NCBP2L: variants seen among roughly 807,000 people sequenced by gnomAD.
NCBP2L encodes nuclear cap-binding protein subunit 2-like.
For synonymous variants in NCBP2L, 39 were observed against 19.2 expected (o/e 2.04, Z -2.70); for missense variants, 95 against 53.1 (o/e 1.79, Z -2.45).
chrX:107,780,510 C>T (rs763583034), intron 1 of NCBP2L, among the ~76,000 whole-genome samples: 5 of 110,949 alleles, frequency 4.5e-5, no homozygotes, highest in Non-Finnish European at 9.4e-5. Flanking sequence ...TAAGGTTACA[C>T]AGCTGGCAAG....
At chrX:107,780,448 G>T (rs1197556897) in intron 1 of NCBP2L, among the ~76,000 whole-genome samples, 2 of 110,322 alleles carry the variant, frequency 1.8e-5, no homozygotes, top group South Asian at 3.9e-4. Flanking sequence ...ATCATCACAA[G>T]CCTGTGAGGC....
chrX:107,779,027 T>A (rs1208736382), intron 1 of NCBP2L, among the ~76,000 whole-genome samples: 1 of 111,449 alleles, frequency 9.0e-6, no homozygotes, highest in East Asian at 2.8e-4. Context: ...CTAGAGAGAC[T>A]AGTGAACAGA....
At chrX:107,788,328 G>A (rs1930410283) in intron 1 of NCBP2L, among the ~76,000 whole-genome samples, 1 of 111,927 alleles carries the variant, frequency 8.9e-6, no homozygotes, top group Non-Finnish European at 1.9e-5. Context: ...TCTATCACTG[G>A]ATGAATTAAA....
In NCBP2L at chrX:107,794,199, G is replaced by T. The variant is rs2295374; in HGVS notation, c.-22G>T. On this transcript the variant is annotated 5_prime_UTR_variant, in exon 2 of 2. Coordinates refer to ENST00000509000, the MANE Select transcript of NCBP2L (RefSeq NM_001348372.2). ...CCAAGCTGGACCGAAAACGGCCATC[G>T]GCATGCTGCCCAACCAGCACCATGT... 72,174 of 500,138 alleles carry T rather than the reference G, an allele frequency of 0.14. 4,907 individuals are homozygous for T. Among genetic ancestry groups the T allele is most frequent in the African/African-American group, 0.4 (16,759 of 41,783 alleles). The allele number at this position is 500,138 out of a possible 1,213,427, so 41.2% of individuals were successfully genotyped here.
intron 1 of NCBP2L, among the ~76,000 whole-genome samples, chrX:107,779,505 T>G (rs1188249532): frequency 8.9e-6 from 1 of 112,155 alleles, no homozygotes; most frequent in Non-Finnish European, 1.9e-5. Flanking sequence ...TTTAACTCAC[T>G]GCAACCTCCA....
rs34030407 is a variant in NCBP2L at position 107,782,368 on chromosome X, A to AAT, written c.-73+4526_-73+4527dup. ...ATATATATAAATATATATATATATA[A>AAT]ATATATATATATATATACCCACACA... On this transcript the variant is annotated intron_variant, in intron 1 of 1. Coordinates refer to ENST00000509000, the MANE Select transcript of NCBP2L (RefSeq NM_001348372.2). 1.7e-3 allele frequency among the ~76,000 whole-genome samples: 57 copies of AAT among 33,684 alleles called. 3 individuals are homozygous for AAT. Among genetic ancestry groups the AAT allele is most frequent in the African/African-American group, 7.2e-3 (12 of 1,671 alleles). 29.3% of individuals were successfully genotyped at this position (33,684 alleles called of 115,157 possible).
chrX:107,778,952 G>C (rs959397579), intron 1 of NCBP2L, among the ~76,000 whole-genome samples: 3 of 111,297 alleles, frequency 2.7e-5, no homozygotes, highest in African/African-American at 9.8e-5. Context: ...ATAGGGGGTG[G>C]CATGTCTTGG....
chrX:107,793,049 G>A (rs1327154819), intron 1 of NCBP2L, among the ~76,000 whole-genome samples: 1 of 112,006 alleles, frequency 8.9e-6, no homozygotes, highest in African/African-American at 3.2e-5. Context: ...TGGGGACACA[G>A]TGATTTCTGA....
chrX:107,781,472 A>ATTTTTTTTTTTT (rs769639335), intron 1 of NCBP2L, among the ~76,000 whole-genome samples: 1 of 73,865 alleles, frequency 1.4e-5, no homozygotes, highest in African/African-American at 6.8e-5. Context: ...CGCCCGGCTA[A>ATTTTTTTTTTTT]TTTTTTTTTT....
At position 107,782,268 on chromosome X, in the gene NCBP2L, TATATATAA is replaced by T. The variant is rs1360395180; in HGVS notation, c.-73+4418_-73+4425del. Among the ~76,000 whole-genome samples the T allele has an allele frequency of 0.016, 443 of 27,842 alleles. 119 individuals are homozygous for T. In the African/African-American group the frequency reaches 0.16, roughly 10 times the overall value. The allele number at this position is 27,842 out of a possible 115,157, so 24.2% of individuals were successfully genotyped here. ...ATATATAAATATATATATAAATATA[TATATATAA>T]ATATATATAAATATATATATATAAA... On this transcript the variant is annotated intron_variant, in intron 1 of 1. Coordinates refer to ENST00000509000, the MANE Select transcript of NCBP2L (RefSeq NM_001348372.2).
At chrX:107,783,357 C>T (rs1417108846) in intron 1 of NCBP2L, among the ~76,000 whole-genome samples, 3 of 61,272 alleles carry the variant, frequency 4.9e-5, no homozygotes, top group Non-Finnish European at 8.9e-5. Flanking sequence ...GTGGCACTTG[C>T]CTTTTTTTTT....
chrX:107,788,063 TCTGA>T (rs1335304661), intron 1 of NCBP2L, among the ~76,000 whole-genome samples: 7 of 112,130 alleles, frequency 6.2e-5, no homozygotes, highest in Non-Finnish European at 1.3e-4. Flanking sequence ...TTTTAGACTC[TCTGA>T]CTAATTTTCT....
At chrX:107,792,776 G>C (rs1376069205) in intron 1 of NCBP2L, among the ~76,000 whole-genome samples, 2 of 111,691 alleles carry the variant, frequency 1.8e-5, no homozygotes, top group Non-Finnish European at 3.8e-5. Flanking sequence ...GTTGTCCCCA[G>C]GCTGAGGTAA....
rs60997776 is a variant in NCBP2L, at chrX:107,779,738, A to ATTTTT, written c.-73+1900_-73+1904dup. ...CCACCGTGCCCAGCCTATCCCCTGA[A>ATTTTT]TTTTTTTTTTTTTTTTTTTTTTTTG... On this transcript the variant is annotated intron_variant, in intron 1 of 1. Transcript: ENST00000509000. Among the ~76,000 whole-genome samples, 98 of 36,628 alleles carry ATTTTT rather than the reference A, an allele frequency of 2.7e-3. 3 individuals are homozygous for ATTTTT. The highest frequency in any genetic ancestry group is 7.0e-3 in the African/African-American group (71 of 10,140). 31.8% of individuals were successfully genotyped at this position (36,628 alleles called of 115,157 possible). A position where few individuals can be genotyped will look rare whatever the true frequency, so the allele number is the denominator to read the frequency against.
chrX:107,778,494 C>G lies in NCBP2L; in HGVS notation c.-73+636C>G, dbSNP rs753310656. Among the ~76,000 whole-genome samples, 36 of 112,782 alleles carry G rather than the reference C, an allele frequency of 3.2e-4. No homozygotes were observed. In the Middle Eastern group the frequency reaches 0.018, roughly 58 times the overall value. ...ATAGTTCAGAGATAGAGTTCAGGAG[C>G]TGGTATGTATTTGCATACAAGTCCA... On this transcript the variant is annotated intron_variant, in intron 1 of 1. Coordinates refer to ENST00000509000, the MANE Select transcript of NCBP2L (RefSeq NM_001348372.2).
intron 1 of NCBP2L, among the ~76,000 whole-genome samples, chrX:107,780,629 CTTTTTT>C (rs984996831): frequency 2.3e-5 from 2 of 85,513 alleles, no homozygotes; most frequent in South Asian, 5.7e-4. Context: ...GGGAAGTTCA[CTTTTTT>C]TTTTTTTTTT....
intron 1 of NCBP2L, among the ~76,000 whole-genome samples, chrX:107,779,363 TTTAG>T (rs1254398399): frequency 8.9e-6 from 1 of 112,338 alleles, no homozygotes; most frequent in Non-Finnish European, 1.9e-5. Context: ...AAATCTAAAT[TTTAG>T]TTAGAGGTTG....
chrX:107,783,358 C>CTTTTTTTTT (rs769083822), intron 1 of NCBP2L, among the ~76,000 whole-genome samples: 27 of 61,929 alleles, frequency 4.4e-4, no homozygotes, highest in African/African-American at 9.2e-4. Flanking sequence ...TGGCACTTGC[C>CTTTTTTTTT]TTTTTTTTTT....
At chrX:107,784,192 T>C (rs1423755875) in intron 1 of NCBP2L, among the ~76,000 whole-genome samples, 1 of 111,964 alleles carries the variant, frequency 8.9e-6, no homozygotes, top group African/African-American at 3.3e-5. Flanking sequence ...GATGTCATTA[T>C]TGTTACCTGA....
Sources: allele counts gnomAD v4.1 joint callset (sites outside exome capture counted in the v4.1 genomes callset), GRCh38; gene constraint gnomAD v4.1.1; transcripts MANE v1.5; gene names NCBI Gene and HGNC (gene_info 2026-07-23, HGNC 2026-07-21).